CDH12: variants seen among roughly 807,000 people sequenced by gnomAD.
The protein encoded by CDH12 is cadherin-12.
CDH12 carries 41 observed loss-of-function variants against 74.1 expected under a neutral mutation model. The ratio of observed to expected loss-of-function variants is 0.55; its 90% confidence interval spans 0.43 to 0.72. CDH12 has a LOEUF of 0.72. CDH12 is among the 30% of genes least tolerant of loss of function. The pLI, the probability that CDH12 is intolerant of heterozygous loss-of-function variation, is 0.00. For missense variants in CDH12, 945 were observed against 977.2 expected, an observed-to-expected ratio of 0.97 and a Z score of 0.44; for synonymous variants, 399 against 355.0, an observed-to-expected ratio of 1.12 and a Z score of -1.39.
intron 6 of CDH12, among the ~76,000 whole-genome samples, chr5:21,963,440 C>T (rs1459809781): frequency 2.0e-5 from 3 of 152,092 alleles, no homozygotes; most frequent in Non-Finnish European, 2.9e-5. Context: ...GAGTCTGCCT[C>T]CTTGTTTAAT....
At chr5:22,759,399 A>C (rs958614) in intron 1 of CDH12, among the ~76,000 whole-genome samples, 34,526 of 152,000 alleles carry the variant, frequency 0.23, 4,363 homozygotes, top group South Asian at 0.29. Context: ...GGGGTTAAAA[A>C]GTACTAAAAT....
rs1752288455 is a variant in CDH12 at position 22,228,941 on chromosome 5, C to G, written c.-332-16298G>C. Among the ~76,000 whole-genome samples, 3 of 152,070 alleles carry G rather than the reference C, an allele frequency of 2.0e-5. No homozygotes were observed. The South Asian group carries it at 6.2e-4, about 32-fold the overall frequency. Reference sequence around the variant, plus strand: ...CTATTCTAATAGTTATATTAATAAACCTGCTCTTACATCTCCTCGGAAGGT... The same window carrying G: ...CTATTCTAATAGTTATATTAATAAAGCTGCTCTTACATCTCCTCGGAAGGT... On this transcript the variant is annotated intron_variant, in intron 3 of 14. Coordinates refer to ENST00000382254, the MANE Select transcript of CDH12 (RefSeq NM_004061.5).
At chr5:22,174,269 A>C (rs1485308404) in intron 4 of CDH12, among the ~76,000 whole-genome samples, 2 of 151,962 alleles carry the variant, frequency 1.3e-5, no homozygotes, top group Non-Finnish European at 2.9e-5. Context: ...TATTTCTTTC[A>C]GTACCTTGCA....
intron 8 of CDH12, among the ~76,000 whole-genome samples, chr5:21,829,433 C>T (rs899576316): frequency 1.3e-5 from 2 of 152,210 alleles, no homozygotes; most frequent in Admixed American, 6.5e-5. Flanking sequence ...TTTTCATCCT[C>T]TATACTTGCA....
At chr5:22,056,228 C>T (rs1366900324) in intron 5 of CDH12, among the ~76,000 whole-genome samples, 1 of 152,056 alleles carries the variant, frequency 6.6e-6, no homozygotes, top group African/African-American at 2.4e-5. Flanking sequence ...CTACAAGTCT[C>T]TATGGTCCTG....
At chr5:22,390,195 T>C (rs1312883154) in intron 3 of CDH12, among the ~76,000 whole-genome samples, 2 of 152,160 alleles carry the variant, frequency 1.3e-5, no homozygotes, top group African/African-American at 2.4e-5. Context: ...GATGTGCTTA[T>C]TATGAGAGTA....
At chr5:21,843,170 T>C (rs1749965137) in intron 7 of CDH12, among the ~76,000 whole-genome samples, 1 of 152,294 alleles carries the variant, frequency 6.6e-6, no homozygotes, top group East Asian at 1.9e-4. Flanking sequence ...TTCCAATCTT[T>C]AGTCAATGGC....
chr5:22,729,721 G>A (rs183526833), intron 1 of CDH12, among the ~76,000 whole-genome samples: 23 of 151,972 alleles, frequency 1.5e-4, no homozygotes, highest in Non-Finnish European at 2.7e-4. Flanking sequence ...TTTAGTTTAT[G>A]ATTAAAAGTT....
intron 1 of CDH12, among the ~76,000 whole-genome samples, chr5:22,579,936 C>T (rs1399096697): frequency 6.6e-6 from 1 of 152,140 alleles, no homozygotes; most frequent in Admixed American, 6.6e-5. Flanking sequence ...TGACCTCTTC[C>T]CCAGCTACCC....
intron 2 of CDH12, among the ~76,000 whole-genome samples, chr5:22,416,639 T>C (rs1743403845): frequency 6.6e-6 from 1 of 151,826 alleles, no homozygotes; most frequent in Non-Finnish European, 1.5e-5. Flanking sequence ...ACCTCCCAGC[T>C]AGAAAAAGAA....
intron 3 of CDH12, among the ~76,000 whole-genome samples, chr5:22,360,955 A>C (rs907499667): frequency 5.3e-5 from 8 of 152,100 alleles, no homozygotes; most frequent in Non-Finnish European, 1.2e-4. Context: ...CTATTTATGA[A>C]AAACCCACAG....
At chr5:22,616,093 T>C (rs1457866994) in intron 1 of CDH12, among the ~76,000 whole-genome samples, 1 of 152,148 alleles carries the variant, frequency 6.6e-6, no homozygotes, top group Admixed American at 6.6e-5. Flanking sequence ...TAATATTCAG[T>C]GCACAGTTTC....
intron 10 of CDH12, among the ~76,000 whole-genome samples, chr5:21,794,192 T>C (rs185644102): frequency 1.3e-5 from 2 of 151,802 alleles, no homozygotes; most frequent in East Asian, 3.9e-4. Context: ...GCATGAACTT[T>C]ATGGGGATTA....
At chr5:22,192,608 C>T (rs1405999159) in intron 4 of CDH12, among the ~76,000 whole-genome samples, 2 of 151,406 alleles carry the variant, frequency 1.3e-5, no homozygotes, top group Non-Finnish European at 1.5e-5. Flanking sequence ...CATTTGTGCA[C>T]ACAGGCTTAT....
chr5:21,817,062 A>G lies in CDH12; in HGVS notation c.885T>C (p.Asp295=). 1 of 1,612,942 alleles carries G rather than the reference A, an allele frequency of 6.2e-7. No individual in the cohort carries two copies. The highest frequency in any genetic ancestry group is 1.1e-5 in the South Asian group (1 of 91,034). The change falls in exon 9 of 15, where the codon GAT becomes GAC. Residue 295 remains aspartate (D), a synonymous_variant. Coordinates refer to ENST00000382254, the MANE Select transcript of CDH12 (RefSeq NM_004061.5). ...GSAIGRIRAV[D]PDFGQNAEIE... ...TTTCTGCATTTTGTCCAAAATCAGG[A>G]TCCACAGCTCTTATTCTTCCAATAG...
chr5:21,929,851 A>G (rs1348186994), intron 6 of CDH12, among the ~76,000 whole-genome samples: 1 of 152,040 alleles, frequency 6.6e-6, no homozygotes, highest in Non-Finnish European at 1.5e-5. Flanking sequence ...AAAACTGAAC[A>G]ATTTCCTACA....
chr5:22,220,661 T>C (rs914874249), intron 3 of CDH12, among the ~76,000 whole-genome samples: 1 of 151,630 alleles, frequency 6.6e-6, no homozygotes, highest in Non-Finnish European at 1.5e-5. Context: ...TGTATATATG[T>C]TTATATATAC....
At chr5:22,724,265 T>G (rs1744050438) in intron 1 of CDH12, among the ~76,000 whole-genome samples, 1 of 150,234 alleles carries the variant, frequency 6.7e-6, no homozygotes, top group African/African-American at 2.4e-5. Context: ...GTTTTTGGGG[T>G]ACAGGTGAGT....
At chr5:22,348,149 C>T (rs922523352) in intron 3 of CDH12, among the ~76,000 whole-genome samples, 11 of 152,342 alleles carry the variant, frequency 7.2e-5, no homozygotes, top group African/African-American at 2.6e-4. Context: ...GCGACCACCA[C>T]AGCCCTGATA....
Sources: gnomAD v4.1 joint callset for allele counts (sites outside exome capture counted in the v4.1 genomes callset) on GRCh38, gnomAD v4.1.1 for gene constraint, MANE v1.5 for transcripts, NCBI Gene and HGNC (gene_info 2026-07-23, HGNC 2026-07-21) for gene names.